The following INPP5D variants were observed in gnomAD, a reference collection of about 807,000 sequenced individuals.
INPP5D encodes inositol polyphosphate-5-phosphatase D.
In INPP5D, 33 loss-of-function variants were observed where a neutral mutation model predicts 122.9. The ratio of observed to expected loss-of-function variants is 0.27; its 90% CI spans 0.20 to 0.36. The LOEUF (loss-of-function observed/expected upper bound fraction) is 0.36, where lower values mean the gene tolerates loss of function less well. INPP5D is among the 10% of genes least tolerant of loss of function. The pLI, the probability that INPP5D is intolerant of heterozygous loss-of-function variation, is 1.00. For synonymous variants in INPP5D, 584 were observed against 576.2 expected, an observed-to-expected ratio of 1.01 and a Z score of -0.19; for missense variants, 1,053 against 1,412.7, an observed-to-expected ratio of 0.75 and a Z score of 4.08.
chr2:233,143,343 A>G (rs1221896742), intron 6 of INPP5D, among the ~76,000 whole-genome samples: 6 of 152,164 alleles, frequency 3.9e-5, no homozygotes, highest in African/African-American at 1.2e-4. Flanking sequence ...ATCCAAAGAG[A>G]GAGCCGGTGG....
chr2:233,145,472 C>G (rs908475552), intron 6 of INPP5D, among the ~76,000 whole-genome samples: 10 of 152,182 alleles, frequency 6.6e-5, no homozygotes, highest in Non-Finnish European at 1.2e-4. Context: ...ATGACTTTAG[C>G]TCGTGGTGAT....
At chr2:233,133,709 A>G (rs1693392957) in intron 5 of INPP5D, among the ~76,000 whole-genome samples, 1 of 152,196 alleles carries the variant, frequency 6.6e-6, no homozygotes, top group African/African-American at 2.4e-5. Context: ...GCAAGGCTTA[A>G]GAGGCCCTAT....
chr2:233,182,647 C>G, intron 19 of INPP5D, 148 bp downstream of exon 19: 3 of 1,282,104 alleles, frequency 2.3e-6, no homozygotes, highest in Non-Finnish European at 3.2e-6. Context: ...TCTTCATGTC[C>G]CAGCCACAGC....
intron 6 of INPP5D, among the ~76,000 whole-genome samples, chr2:233,142,595 G>A (rs1005641632): frequency 1.3e-5 from 2 of 152,304 alleles, no homozygotes; most frequent in South Asian, 4.1e-4. Flanking sequence ...AGTGTGAAAT[G>A]CAATGTTATC....
chr2:233,201,926 C>T (rs1297817005), intron 25 of INPP5D, among the ~76,000 whole-genome samples: 2 of 152,172 alleles, frequency 1.3e-5, no homozygotes, highest in African/African-American at 4.8e-5. Flanking sequence ...TTCTTGTTAC[C>T]TTTGGTCAGG....
chr2:233,085,465 G>C (rs1341253050), intron 2 of INPP5D, among the ~76,000 whole-genome samples: 3 of 151,688 alleles, frequency 2.0e-5, no homozygotes, highest in Non-Finnish European at 1.5e-5. Context: ...GGTTCCTATA[G>C]AGGCGACCCA....
chr2:233,175,355 C>T lies in INPP5D; in HGVS notation c.1990-1910C>T, dbSNP rs558634700. ...TAAACAATGGAACTTTTATAAGCAA[C>T]GAAGTGGCTGAAGGAGTCCAACATA... On this transcript the variant is annotated intron_variant, in intron 17 of 26. Transcript: ENST00000445964. Among the ~76,000 whole-genome samples the T allele has an allele frequency of 7.6e-4, 115 of 151,470 alleles. 1 individual carries two copies. Among genetic ancestry groups the T allele is most frequent in the Non-Finnish European group, 2.5e-4 (17 of 67,956 alleles).
At chr2:233,184,890 C>T (rs1299419053) in intron 20 of INPP5D, among the ~76,000 whole-genome samples, 5 of 152,082 alleles carry the variant, frequency 3.3e-5, no homozygotes, top group East Asian at 1.9e-4. Context: ...CTCAAAGAGC[C>T]GGTGTGAGGG....
chr2:233,106,797 G>C (rs926530062), intron 2 of INPP5D, among the ~76,000 whole-genome samples: 1 of 152,206 alleles, frequency 6.6e-6, no homozygotes, highest in African/African-American at 2.4e-5. Context: ...GAGTTTCCCA[G>C]ATGAGGGTTC....
intron 20 of INPP5D, 68 bp from the exon 21 acceptor site, chr2:233,185,775 C>T: frequency 6.9e-7 from 1 of 1,459,322 alleles, no homozygotes; most frequent in African/African-American, 1.4e-5. Context: ...GTGGGGTGAC[C>T]CCAGGGAGTC....
intron 24 of INPP5D, among the ~76,000 whole-genome samples, chr2:233,196,821 TC>T (rs1288116228): frequency 1.3e-5 from 2 of 151,656 alleles, no homozygotes; most frequent in Admixed American, 6.6e-5. Flanking sequence ...CCACAACTCA[TC>T]CCCACCAACC....
intron 2 of INPP5D, among the ~76,000 whole-genome samples, chr2:233,094,510 CCCAAAAAAAAA>C (rs1222180504): frequency 7.2e-4 from 20 of 27,786 alleles, no homozygotes; most frequent in African/African-American, 1.1e-3. Context: ...AAGACTCCAT[CCCAAAAAAAAA>C]AAAAAAAAAA....
At chr2:233,110,480 A>G (rs1421024170) in intron 2 of INPP5D, among the ~76,000 whole-genome samples, 1 of 152,076 alleles carries the variant, frequency 6.6e-6, no homozygotes, top group Non-Finnish European at 1.5e-5. Flanking sequence ...GATTGTAGGC[A>G]TGAGCCACCG....
At chr2:233,141,835 G>C (rs1693637597) in intron 6 of INPP5D, among the ~76,000 whole-genome samples, 1 of 152,152 alleles carries the variant, frequency 6.6e-6, no homozygotes, top group African/African-American at 2.4e-5. Context: ...GGGGAGAAGG[G>C]GACTGGGCCA....
intron 11 of INPP5D, 147 bp downstream of exon 11, chr2:233,161,973 A>C: frequency 2.3e-6 from 3 of 1,292,796 alleles, no homozygotes; most frequent in African/African-American, 1.5e-5. Flanking sequence ...GCCCACCCGC[A>C]CAACCTCCTT....
intron 9 of INPP5D, 110 bp downstream of exon 9, chr2:233,147,704 A>G (rs545068498): frequency 6.1e-6 from 4 of 651,050 alleles, no homozygotes; most frequent in Non-Finnish European, 1.1e-5. Flanking sequence ...TTCCGCACGC[A>G]TGCGCGCCTG....
At chr2:233,086,119 C>CTCTTCCTT (rs1691826071) in intron 2 of INPP5D, among the ~76,000 whole-genome samples, 2 of 93,828 alleles carry the variant, frequency 2.1e-5, no homozygotes, top group Non-Finnish European at 4.4e-5. Context: ...ATAAGATAGC[C>CTCTTCCTT]TCTTTCTTTC....
At chr2:233,187,708 C>A (rs572996555) in intron 21 of INPP5D, among the ~76,000 whole-genome samples, 1 of 152,172 alleles carries the variant, frequency 6.6e-6, no homozygotes, top group Non-Finnish European at 1.5e-5. Context: ...CACTGAAGCC[C>A]CAGAAGAGCT....
rs965186903 is a variant in INPP5D, at chr2:233,207,321, C to A, written c.*613C>A. On this transcript the variant is annotated 3_prime_UTR_variant, in exon 27 of 27. Transcript: ENST00000445964. The surrounding 1 kb of genome is among the most constrained non-coding windows in gnomAD (Gnocchi z 4.6). The stretch of plus-strand genomic sequence containing the variant: ...GGTAGCTTGTTTAGGGTACAAGAAG[C>A]CTGTTCTGTCCAGCTTCAGTGACAC... 6.5e-6 allele frequency: 1 copy of A among 152,780 alleles called. No homozygotes were observed. The highest frequency in any genetic ancestry group is 1.5e-5 in the Non-Finnish European group (1 of 68,074). The allele number at this position is 152,780 out of a possible 1,614,324, so 9.5% of individuals were successfully genotyped here.
Sources: allele counts gnomAD v4.1 joint callset (sites outside exome capture counted in the v4.1 genomes callset), GRCh38; gene constraint gnomAD v4.1.1; non-coding constraint Gnocchi (gnomAD v3.1); transcripts MANE v1.5; gene names NCBI Gene and HGNC (gene_info 2026-07-23, HGNC 2026-07-21).